The following ALDH1A2 variants were observed in gnomAD, a reference collection of about 807,000 sequenced individuals.
ALDH1A2 encodes retinal dehydrogenase 2.
A neutral mutation model predicts 60.3 loss-of-function variants in ALDH1A2; 27 were observed. That is an observed-to-expected ratio of 0.45 (90% CI 0.33 to 0.62). The LOEUF is 0.62. ALDH1A2 is among the 20% of genes least tolerant of loss of function. The probability of loss-of-function intolerance (pLI) is 0.02; values close to 1 mark genes in which losing one functional copy is unlikely to be tolerated. For missense variants in ALDH1A2, 581 were observed against 643.8 expected (o/e 0.90, Z 1.06); for synonymous variants, 289 against 232.4 (o/e 1.24, Z -2.21).
At chr15:57,989,138 G>C (rs1448172305) in intron 7 of ALDH1A2, among the ~76,000 whole-genome samples, 1 of 152,220 alleles carries the variant, frequency 6.6e-6, no homozygotes, top group African/African-American at 2.4e-5. Flanking sequence ...GACAGGGCAA[G>C]ACTCCATCTC....
intron 1 of ALDH1A2, among the ~76,000 whole-genome samples, chr15:58,065,056 C>T (rs779812680): frequency 5.9e-5 from 9 of 152,340 alleles, no homozygotes; most frequent in South Asian, 2.1e-4. Context: ...CAATTCCTTA[C>T]GGGAAAGCCC....
intron 7 of ALDH1A2, among the ~76,000 whole-genome samples, chr15:57,982,949 C>T (rs1358058778): frequency 1.3e-5 from 2 of 152,154 alleles, no homozygotes; most frequent in Non-Finnish European, 2.9e-5. Context: ...ATCAGACACA[C>T]ACTACCCTTC....
chr15:57,982,121 C>T (rs1301951969), intron 7 of ALDH1A2, among the ~76,000 whole-genome samples: 1 of 152,100 alleles, frequency 6.6e-6, no homozygotes, highest in Admixed American at 6.5e-5. Context: ...GTGCCCATCT[C>T]TCAACACTAT....
At chr15:57,994,943 T>C (rs1166558287) in intron 5 of ALDH1A2, 135 bp downstream of exon 5, 5 of 843,964 alleles carry the variant, frequency 5.9e-6, no homozygotes, top group Non-Finnish European at 1.0e-5. Context: ...CTGTTAAAGA[T>C]ATGTCAACAA....
intron 5 of ALDH1A2, 45 bp from the exon 6 acceptor site, chr15:57,993,118 C>A: frequency 1.2e-6 from 2 of 1,605,290 alleles, no homozygotes; most frequent in East Asian, 2.2e-5. Context: ...AAACATTCTT[C>A]CACTACTTTG....
chr15:57,964,811 A>G (rs1026981735), intron 8 of ALDH1A2: 2 of 152,294 alleles, frequency 1.3e-5, no homozygotes, highest in African/African-American at 4.8e-5. Context: ...TAAATGAATC[A>G]GTCAATGTTA....
At chr15:58,033,529 A>G (rs1896298528) in intron 1 of ALDH1A2, among the ~76,000 whole-genome samples, 1 of 151,842 alleles carries the variant, frequency 6.6e-6, no homozygotes, top group African/African-American at 2.4e-5. Flanking sequence ...ACCTCCCCCA[A>G]AACAATACAA....
chr15:57,997,121 A>G (rs1160164657), intron 4 of ALDH1A2, among the ~76,000 whole-genome samples: 3 of 152,060 alleles, frequency 2.0e-5, no homozygotes, highest in Non-Finnish European at 4.4e-5. Flanking sequence ...AATTTAAAAT[A>G]TCTATTACGA....
intron 7 of ALDH1A2, among the ~76,000 whole-genome samples, chr15:57,989,024 C>CAGGCATGG (rs1355369917): frequency 5.9e-5 from 9 of 152,088 alleles, no homozygotes; most frequent in Admixed American, 5.9e-4. Flanking sequence ...AAAAATTAGC[C>CAGGCATGG]AGGCATGGTG....
chr15:57,958,632 G>A (rs1178457425), intron 12 of ALDH1A2, among the ~76,000 whole-genome samples: 1 of 152,184 alleles, frequency 6.6e-6, no homozygotes, highest in Non-Finnish European at 1.5e-5. Context: ...GACCAAAGCT[G>A]CATGGAGTTT....
rs935344662 is a variant in ALDH1A2, at chr15:57,964,083, C to T, written c.902-14G>A. 3.1e-6 allele frequency: 5 copies of T among 1,613,758 alleles called. No individual in the cohort carries two copies. The highest frequency in any genetic ancestry group is 1.3e-5 in the African/African-American group (1 of 74,938). ...CAGCATAGTCCACTACAAGAGGAAA[C>T]AGCCATGTTCTCACCGCTTTGCCTG... is the stretch of plus-strand genomic sequence containing the variant. On this transcript the variant is annotated splice_polypyrimidine_tract_variant and intron_variant, in intron 8 of 12. Coordinates refer to ENST00000249750, the MANE Select transcript of ALDH1A2 (RefSeq NM_003888.4).
At chr15:58,037,650 CTTTTGG>C (rs1244598674) in intron 1 of ALDH1A2, among the ~76,000 whole-genome samples, 2 of 151,634 alleles carry the variant, frequency 1.3e-5, no homozygotes, top group African/African-American at 4.8e-5. Flanking sequence ...CTAGATTATG[CTTTTGG>C]TTTTGGTCAA....
intron 4 of ALDH1A2, among the ~76,000 whole-genome samples, chr15:58,002,245 CTATAAT>C (rs1489337151): frequency 1.3e-5 from 2 of 151,786 alleles, no homozygotes; most frequent in African/African-American, 2.4e-5. Context: ...TGAGCCATTT[CTATAAT>C]TATATTAAGA....
chr15:57,968,527 C>T (rs1893965465), intron 7 of ALDH1A2, among the ~76,000 whole-genome samples: 1 of 152,214 alleles, frequency 6.6e-6, no homozygotes, highest in South Asian at 2.1e-4. Context: ...CTAATGTGTG[C>T]CACATACCAT....
At chr15:57,976,874 C>T (rs1311595068) in intron 7 of ALDH1A2, among the ~76,000 whole-genome samples, 1 of 152,138 alleles carries the variant, frequency 6.6e-6, no homozygotes, top group Non-Finnish European at 1.5e-5. Context: ...TTTATACTCC[C>T]ATCAACAGTG....
At chr15:58,029,971 CTG>C (rs1361177499) in intron 1 of ALDH1A2, among the ~76,000 whole-genome samples, 1 of 152,170 alleles carries the variant, frequency 6.6e-6, no homozygotes, top group Non-Finnish European at 1.5e-5. Context: ...CAAAGACGAT[CTG>C]GTACCATTCC....
At chr15:57,973,435 T>G (rs1227478495) in intron 7 of ALDH1A2, among the ~76,000 whole-genome samples, 1 of 152,162 alleles carries the variant, frequency 6.6e-6, no homozygotes, top group African/African-American at 2.4e-5. Flanking sequence ...TACCAATAGG[T>G]CCCATCTCCC....
At position 57,953,849 on chromosome 15, in the gene ALDH1A2, T is replaced by G. The variant is rs1350971679; in HGVS notation, c.*1348A>C. ...TCTGCATTTAGGTTAGAGACTGGATTGGATTTGACAGCTGGAAAGATGGAA... is the reference window on the plus strand; with the variant it reads ...TCTGCATTTAGGTTAGAGACTGGATGGGATTTGACAGCTGGAAAGATGGAA... On this transcript the variant is annotated 3_prime_UTR_variant, in exon 13 of 13. Coordinates refer to ENST00000249750, the MANE Select transcript of ALDH1A2 (RefSeq NM_003888.4). 1 of 152,386 alleles carries G rather than the reference T, an allele frequency of 6.6e-6. No individual in the cohort carries two copies. Among genetic ancestry groups the G allele is most frequent in the Non-Finnish European group, 1.5e-5 (1 of 68,050 alleles). 9.4% of individuals were successfully genotyped at this position (152,386 alleles called of 1,614,324 possible).
intron 1 of ALDH1A2, among the ~76,000 whole-genome samples, chr15:58,060,400 T>C (rs1486338176): frequency 1.3e-5 from 2 of 151,484 alleles, no homozygotes; most frequent in African/African-American, 4.8e-5. Context: ...TACTATTATC[T>C]CAATGATGAC....
Sources: gnomAD v4.1 joint callset for allele counts (sites outside exome capture counted in the v4.1 genomes callset) on GRCh38, gnomAD v4.1.1 for gene constraint, MANE v1.5 for transcripts, NCBI Gene and HGNC (gene_info 2026-07-23, HGNC 2026-07-21) for gene names.